Variants in TENM2 observed in about 807,000 individuals in gnomAD.
TENM2 encodes the protein teneurin transmembrane protein 2.
In TENM2, 52 loss-of-function variants were observed where a neutral mutation model predicts 245.2. The observed-to-expected ratio is 0.21, with a 90% confidence interval of 0.17 to 0.27. The LOEUF (loss-of-function observed/expected upper bound fraction) is 0.27. Among genes scored for constraint, TENM2 ranks in the 10% least tolerant of loss-of-function variants. The probability of loss-of-function intolerance (pLI) is 1.00; values close to 1 mark genes in which losing one functional copy is unlikely to be tolerated. For synonymous variants in TENM2, 1,363 were observed against 1,438.9 expected, an observed-to-expected ratio of 0.95 and a Z score of 1.19; for missense variants, 3,046 against 3,666.8, an observed-to-expected ratio of 0.83 and a Z score of 4.37.
At chr5:167,578,843 G>A (rs1344504387) in intron 2 of TENM2, among the ~76,000 whole-genome samples, 1 of 152,168 alleles carries the variant, frequency 6.6e-6, no homozygotes, top group East Asian at 1.9e-4. Context: ...CTATATAATG[G>A]AAGTTTATAT....
chr5:167,276,434 T>C, the TENM2 span, among the ~76,000 whole-genome samples: 1 of 151,430 alleles, frequency 6.6e-6, no homozygotes, highest in African/African-American at 2.4e-5. Context: ...TTCAATTTCA[T>C]CAATAACTAT....
intron 2 of TENM2, among the ~76,000 whole-genome samples, chr5:167,750,216 C>T (rs1355922359): frequency 6.6e-6 from 1 of 152,146 alleles, no homozygotes; most frequent in African/African-American, 2.4e-5. Flanking sequence ...AGTAGGTGCT[C>T]AATGAATAGA....
chr5:168,236,971 TATATATATATATATATATATATATATATA>T (rs1562318895), intron 25 of TENM2, among the ~76,000 whole-genome samples: 1,444 of 7,964 alleles, frequency 0.18, 104 homozygotes, highest in Non-Finnish European at 0.24. Context: ...TATATATATA[TATATATATATATATATATATATATATATA>T]TTTTTTTTTT....
At chr5:167,193,404 G>A in the TENM2 span, among the ~76,000 whole-genome samples, 1 of 151,556 alleles carries the variant, frequency 6.6e-6, no homozygotes, top group African/African-American at 2.4e-5. Flanking sequence ...GTTTTCTTAA[G>A]CATTTCAGCT....
chr5:167,135,488 G>A, the TENM2 span, among the ~76,000 whole-genome samples: 72 of 152,170 alleles, frequency 4.7e-4, no homozygotes, highest in Middle Eastern at 0.014. Context: ...AAAAAGTGGC[G>A]TGTATTGGCC....
intron 2 of TENM2, among the ~76,000 whole-genome samples, chr5:167,820,617 A>C (rs1767442350): frequency 6.6e-6 from 1 of 152,084 alleles, no homozygotes; most frequent in Non-Finnish European, 1.5e-5. Context: ...GGTTAATTTC[A>C]TTTTGCGTTC....
At chr5:167,033,212 T>A in the TENM2 span, among the ~76,000 whole-genome samples, 1 of 152,256 alleles carries the variant, frequency 6.6e-6, no homozygotes, top group African/African-American at 2.4e-5. Context: ...ATTGTGATGA[T>A]GCACATCTAT....
chr5:167,267,754 G>T, the TENM2 span, among the ~76,000 whole-genome samples: 1 of 152,130 alleles, frequency 6.6e-6, no homozygotes, highest in Non-Finnish European at 1.5e-5. Context: ...TATACCTTAA[G>T]GGATCCTTAG....
chr5:167,350,900 TG>T lies in TENM2; in HGVS notation c.227-24296del, dbSNP rs1758846826. ...TATATATATATGGGATGTATACATA[TG>T]GATATATATATGGGATATATACATA... is the stretch of plus-strand genomic sequence containing the variant. On this transcript the variant is annotated intron_variant, in intron 1 of 28. Transcript: ENST00000518659. Among the ~76,000 whole-genome samples the T allele has an allele frequency of 1.3e-4, 11 of 83,686 alleles. 1 individual carries two copies. In the Admixed American group the frequency reaches 1.4e-3, roughly 11 times the overall value. 54.9% of individuals were successfully genotyped at this position (83,686 alleles called of 152,430 possible). A position where few individuals can be genotyped will look rare whatever the true frequency, so the allele number is the denominator to read the frequency against.
the TENM2 span, among the ~76,000 whole-genome samples, chr5:167,246,660 C>A: frequency 9.2e-5 from 14 of 152,046 alleles, no homozygotes; most frequent in Non-Finnish European, 1.3e-4. Context: ...CAAGGGCAAG[C>A]TTTTGCAGTA....
chr5:168,105,633 G>A (rs1220388613), intron 9 of TENM2, among the ~76,000 whole-genome samples: 1 of 152,142 alleles, frequency 6.6e-6, no homozygotes, highest in Non-Finnish European at 1.5e-5. Flanking sequence ...CCACCAAGAA[G>A]ACTGAATAGT....
intron 2 of TENM2, among the ~76,000 whole-genome samples, chr5:167,778,985 A>T (rs183294911): frequency 1.8e-4 from 27 of 152,372 alleles, no homozygotes; most frequent in Non-Finnish European, 8.8e-5. Flanking sequence ...GCATTAACGC[A>T]TATCAGGCTG....
At chr5:168,254,554 GAGGA>G (rs1302593671) in intron 27 of TENM2, among the ~76,000 whole-genome samples, 1 of 152,084 alleles carries the variant, frequency 6.6e-6, no homozygotes, top group Non-Finnish European at 1.5e-5. Flanking sequence ...AGAAAAGTAA[GAGGA>G]AGGAAGAAGA....
the TENM2 span, among the ~76,000 whole-genome samples, chr5:167,235,359 C>A: frequency 6.6e-6 from 1 of 152,186 alleles, no homozygotes; most frequent in Non-Finnish European, 1.5e-5. Context: ...GAACACAATT[C>A]AGCCTGTAAC....
At chr5:167,303,610 A>G (rs879565327) in intron 1 of TENM2, among the ~76,000 whole-genome samples, 20 of 152,296 alleles carry the variant, frequency 1.3e-4, no homozygotes, top group Middle Eastern at 3.4e-3. Context: ...GGCAGGAACC[A>G]GCCATCTGGA....
chr5:167,773,008 G>C (rs1222210999), intron 2 of TENM2, among the ~76,000 whole-genome samples: 1 of 152,138 alleles, frequency 6.6e-6, no homozygotes, highest in Non-Finnish European at 1.5e-5. Context: ...TCAGACTCAA[G>C]ATCTGTCTCT....
intron 2 of TENM2, among the ~76,000 whole-genome samples, chr5:167,781,712 T>C (rs1485864827): frequency 6.6e-6 from 1 of 152,206 alleles, no homozygotes; most frequent in African/African-American, 2.4e-5. Flanking sequence ...GTTTCCTGCA[T>C]TGGCCCTAAG....
At chr5:167,931,562 A>AG (rs1456987570) in intron 3 of TENM2, among the ~76,000 whole-genome samples, 3 of 151,874 alleles carry the variant, frequency 2.0e-5, no homozygotes, top group African/African-American at 7.2e-5. Context: ...AAAAAAAAAA[A>AG]AAAAAAAAAC....
intron 1 of TENM2, among the ~76,000 whole-genome samples, chr5:167,286,432 C>A (rs1313054082): frequency 6.6e-6 from 1 of 152,132 alleles, no homozygotes; most frequent in African/African-American, 2.4e-5. Flanking sequence ...TAAGTCCTCA[C>A]CATTCCCCAA....
Sources: allele counts gnomAD v4.1 joint callset (sites outside exome capture counted in the v4.1 genomes callset), GRCh38; gene constraint gnomAD v4.1.1; transcripts MANE v1.5; gene names NCBI Gene and HGNC (gene_info 2026-07-23, HGNC 2026-07-21).